TTPA: variants seen among roughly 807,000 people sequenced by gnomAD.
TTPA encodes the protein alpha-tocopherol transfer protein.
In TTPA, 23 loss-of-function variants were observed where a neutral mutation model predicts 25.9. The ratio of observed to expected loss-of-function variants is 0.89; its 90% CI spans 0.64 to 1.26. The LOEUF is 1.26. Among genes scored for constraint, TTPA ranks in the 50% most tolerant of loss-of-function variants. TTPA has a pLI of 0.00. For synonymous variants in TTPA, 148 were observed against 137.3 expected (o/e 1.08, Z -0.54); for missense variants, 337 against 353.1 (o/e 0.95, Z 0.37).
rs771738459 is a variant in TTPA at position 63,061,378 on chromosome 8, G to A, written c.711C>T (p.Phe237=). The A allele has an allele frequency of 3.1e-6, 5 of 1,613,900 alleles. No individual in the cohort carries two copies. Among genetic ancestry groups the A allele is most frequent in the African/African-American group, 1.3e-5 (1 of 74,938 alleles). ...CATATTCCAGAGGAAGAATGTCTGG[G>A]AAATGCTGAAGCAAGCTTTGTTTGT... ...NNYKQSLLQH[F]PDILPLEYGG... is the part of the protein sequence containing the mutation. Residue 237 remains phenylalanine (F), a synonymous_variant, in exon 5 of 5, where the codon TTC becomes TTT. Coordinates refer to ENST00000260116, the MANE Select transcript of TTPA (RefSeq NM_000370.3).
Position 63,085,920 on chromosome 8 carries a change from C to CCGGCGCCG in TTPA, c.94_101dup (p.Ala35GlyfsTer39). 2.0e-6 allele frequency: 3 copies of CCGGCGCCG among 1,523,808 alleles called. No homozygotes were observed. The highest frequency in any genetic ancestry group is 1.8e-6 in the Non-Finnish European group (2 of 1,141,614). 94.4% of individuals were successfully genotyped at this position (1,523,808 alleles called of 1,614,324 possible). A position where few individuals can be genotyped will look rare whatever the true frequency, so the allele number is the denominator to read the frequency against. On this transcript the variant is annotated frameshift_variant, in exon 1 of 5. Transcript: ENST00000260116. LOFTEE classifies it high-confidence loss of function. ...CGAGCGGGACGCCAGCTTCCCGGGC[C>CCGGCGCCG]CGGCGCCGCAGCGCCGCCAGGCCCG... is the stretch of plus-strand genomic sequence containing the variant.
rs542205613 is a variant in TTPA at position 63,077,951 on chromosome 8, C to T, written c.205-4863G>A. Among the ~76,000 whole-genome samples, 102 of 152,250 alleles carry T rather than the reference C, an allele frequency of 6.7e-4. 1 individual carries two copies. Among genetic ancestry groups the T allele is most frequent in the South Asian group, 3.5e-3 (17 of 4,822 alleles). On this transcript the variant is annotated intron_variant, in intron 1 of 4. Coordinates refer to ENST00000260116, the MANE Select transcript of TTPA (RefSeq NM_000370.3). Reference sequence around the variant, plus strand: ...CATATAGGCAGGTGACACTCTGGGACGAAGCTTCCAGAGGAAGGATCAGGC... The same window carrying T: ...CATATAGGCAGGTGACACTCTGGGATGAAGCTTCCAGAGGAAGGATCAGGC...
At position 63,066,982 on chromosome 8, in the gene TTPA, G is replaced by C. The variant is rs142088918; in HGVS notation, c.359-885C>G. Among the ~76,000 whole-genome samples the C allele has an allele frequency of 5.6e-3, 853 of 152,042 alleles. 8 individuals are homozygous for C. Among genetic ancestry groups the C allele is most frequent in the African/African-American group, 0.02 (826 of 41,458 alleles). On this transcript the variant is annotated intron_variant, in intron 2 of 4. Coordinates refer to ENST00000260116, the MANE Select transcript of TTPA (RefSeq NM_000370.3). Reference sequence around the variant, plus strand: ...TCCAGCTACTCGGGTGGCTGAGGTGGGGGGAGGGGGAACACTGAAGCCCAG... The same window carrying C: ...TCCAGCTACTCGGGTGGCTGAGGTGCGGGGAGGGGGAACACTGAAGCCCAG...
intron 4 of TTPA, among the ~76,000 whole-genome samples, 154 bp downstream of exon 4, chr8:63,064,051 CT>C (rs1482386691): frequency 6.6e-6 from 1 of 151,780 alleles, no homozygotes; most frequent in Non-Finnish European, 1.5e-5. Flanking sequence ...TTTTAATTTA[CT>C]TTTTTTTAGT....
At position 63,064,232 on chromosome 8, in the gene TTPA, A is replaced by G. The variant is rs760982150; in HGVS notation, c.637T>C (p.Phe213Leu). The G allele has an allele frequency of 6.2e-7, 1 of 1,613,014 alleles. No homozygotes were observed. The highest frequency in any genetic ancestry group is 2.2e-5 in the East Asian group (1 of 44,764). ...CGTTCCTTAATTTTTTCAGTCAGGAATGGTTTGATCATGGAAAAGACAGCA... is the reference window on the plus strand; with the variant it reads ...CGTTCCTTAATTTTTTCAGTCAGGAGTGGTTTGATCATGGAAAAGACAGCA... ...FHAVFSMIKPFLTEKIKERIH... is the reference protein window; with the variant it reads ...FHAVFSMIKPLLTEKIKERIH... The change falls in exon 4 of 5, where the codon TTC becomes CTC. Residue 213 changes from phenylalanine (F) to leucine (L), a missense_variant. Phe to Leu is a conservative substitution (Grantham distance 22). Coordinates refer to ENST00000260116, the MANE Select transcript of TTPA (RefSeq NM_000370.3).
At chr8:63,068,310 G>T (rs2129751865) in intron 2 of TTPA, among the ~76,000 whole-genome samples, 1 of 152,304 alleles carries the variant, frequency 6.6e-6, no homozygotes. Flanking sequence ...AAGAGGAAAT[G>T]CCAGAAAAAG....
Position 63,066,083 on chromosome 8 carries a change from TG to T in TTPA, c.372del (p.Val126PhefsTer10). ...AATACGTCATAAGCTGTAAAAACTT[TG>T]GGGTCCCAGTGTGCTAAAAAAAATA... ...VLIYRIAHWD[P>X]KVFTAYDVFR... On this transcript the variant is annotated frameshift_variant, in exon 3 of 5. Transcript: ENST00000260116. LOFTEE classifies it high-confidence loss of function. The T allele has an allele frequency of 6.5e-7, 1 of 1,530,508 alleles. No homozygotes were observed. Among genetic ancestry groups the T allele is most frequent in the Non-Finnish European group, 8.7e-7 (1 of 1,147,866 alleles). The allele number at this position is 1,530,508 out of a possible 1,614,324, so 94.8% of individuals were successfully genotyped here.
At chr8:63,063,548 A>G (rs1805342562) in intron 4 of TTPA, among the ~76,000 whole-genome samples, 1 of 152,186 alleles carries the variant, frequency 6.6e-6, no homozygotes, top group South Asian at 2.1e-4. Context: ...AACAAGATAA[A>G]AGATACACAG....
intron 2 of TTPA, among the ~76,000 whole-genome samples, chr8:63,070,644 T>C (rs4446729): frequency 0.83 from 125,617 of 152,144 alleles, 52,551 homozygotes; most frequent in East Asian, 0.98. Context: ...ATGTGCTACA[T>C]GAGGCCCAGA....
chr8:63,084,804 T>G (rs550373469), intron 1 of TTPA, among the ~76,000 whole-genome samples: 1 of 152,352 alleles, frequency 6.6e-6, no homozygotes, highest in South Asian at 2.1e-4. Context: ...TAATTTTACT[T>G]AAGTTAAAAA....
At chr8:63,083,864 G>A (rs897173510) in intron 1 of TTPA, among the ~76,000 whole-genome samples, 5 of 150,934 alleles carry the variant, frequency 3.3e-5, no homozygotes, top group African/African-American at 4.9e-5. Context: ...AGAGTGATGA[G>A]TTATAGAGTT....
At position 63,059,869 on chromosome 8, in the gene TTPA, T is replaced by C. The variant is rs1239570234; in HGVS notation, c.*1383A>G. The C allele has an allele frequency of 6.6e-6, 1 of 152,100 alleles. No homozygotes were observed. Among genetic ancestry groups the C allele is most frequent in the Non-Finnish European group, 1.5e-5 (1 of 68,006 alleles). The allele number at this position is 152,100 out of a possible 1,614,324, so 9.4% of individuals were successfully genotyped here. ...ACACCGGGGCCTATTTATTTATTTT[T>C]GAAATAGAGACAGGGTCTCCCTGTA... On this transcript the variant is annotated 3_prime_UTR_variant, in exon 5 of 5. Coordinates refer to ENST00000260116, the MANE Select transcript of TTPA (RefSeq NM_000370.3).
chr8:63,061,929 G>A (rs1175211401), intron 4 of TTPA, among the ~76,000 whole-genome samples: 1 of 152,180 alleles, frequency 6.6e-6, no homozygotes, highest in Non-Finnish European at 1.5e-5. Context: ...ACAGCCGGGT[G>A]CAGTGGCTCA....
intron 4 of TTPA, 145 bp downstream of exon 4, chr8:63,064,061 G>T: frequency 8.3e-6 from 5 of 605,584 alleles, no homozygotes; most frequent in African/African-American, 3.8e-5. Context: ...CTTTTTTTTA[G>T]TTGGCTTGTT....
Position 63,059,587 on chromosome 8 carries a change from C to A in TTPA, c.*1665G>T, listed in dbSNP as rs1007377580. On this transcript the variant is annotated 3_prime_UTR_variant, in exon 5 of 5. Coordinates refer to ENST00000260116, the MANE Select transcript of TTPA (RefSeq NM_000370.3). ...CCTAACTAGCTGAACAAATGTTCAA[C>A]AGATTTTGGACCCCATATTCTACAT... is the stretch of plus-strand genomic sequence containing the variant. Among the ~76,000 whole-genome samples the A allele has an allele frequency of 6.6e-6, 1 of 152,004 alleles. No homozygotes were observed. The highest frequency in any genetic ancestry group is 1.5e-5 in the Non-Finnish European group (1 of 67,988).
At chr8:63,072,496 CAG>C (rs1264755114) in intron 2 of TTPA, among the ~76,000 whole-genome samples, 1 of 152,194 alleles carries the variant, frequency 6.6e-6, no homozygotes, top group Non-Finnish European at 1.5e-5. Flanking sequence ...CTCCTGACCT[CAG>C]CTGGGATTAC....
chr8:63,082,508 C>T (rs1805679668), intron 1 of TTPA, among the ~76,000 whole-genome samples: 1 of 152,180 alleles, frequency 6.6e-6, no homozygotes, highest in African/African-American at 2.4e-5. Context: ...GGATTAAAGA[C>T]TTAAATGTTA....
chr8:63,067,722 G>T (rs547487512), intron 2 of TTPA, among the ~76,000 whole-genome samples: 16 of 152,142 alleles, frequency 1.1e-4, no homozygotes, highest in Admixed American at 3.3e-4. Flanking sequence ...CCAGGTATGT[G>T]AGCACAGTAC....
rs1563679210 is a variant in TTPA at position 63,065,890 on chromosome 8, A to C, written c.552+14T>G. The C allele has an allele frequency of 6.2e-7, 1 of 1,613,494 alleles. No individual in the cohort carries two copies. The highest frequency in any genetic ancestry group is 1.3e-5 in the African/African-American group (1 of 75,026). On this transcript the variant is annotated intron_variant, in intron 3 of 4. Coordinates refer to ENST00000260116, the MANE Select transcript of TTPA (RefSeq NM_000370.3). Reference sequence around the variant, plus strand: ...TTGGAAGTATTATGCCTGACAGTTAAAATATACATTTACCGTAAGTACAGC... The same window carrying C: ...TTGGAAGTATTATGCCTGACAGTTACAATATACATTTACCGTAAGTACAGC...
Sources: allele counts gnomAD v4.1 joint callset (sites outside exome capture counted in the v4.1 genomes callset), GRCh38; gene constraint gnomAD v4.1.1; transcripts MANE v1.5; gene names NCBI Gene and HGNC (gene_info 2026-07-23, HGNC 2026-07-21).